The following TAFA2 variants were observed in gnomAD, a reference collection of about 807,000 sequenced individuals.
TAFA2 encodes the protein chemokine-like protein TAFA-2.
In TAFA2, 7 loss-of-function variants were observed where a neutral mutation model predicts 18.8. The observed-to-expected ratio is 0.37, with a 90% CI of 0.21 to 0.70. The LOEUF is 0.70. Ranked by LOEUF, TAFA2 falls within the 30% of genes least tolerant of loss-of-function variation. The pLI is 0.53. For missense variants in TAFA2, 122 were observed against 158.1 expected (o/e 0.77, Z 1.23); for synonymous variants, 60 against 54.2 (o/e 1.11, Z -0.47).
At chr12:61,859,352 A>T (rs1446288605) in intron 2 of TAFA2, among the ~76,000 whole-genome samples, 1 of 152,190 alleles carries the variant, frequency 6.6e-6, no homozygotes, top group African/African-American at 2.4e-5. Flanking sequence ...CACCATTGAC[A>T]CGTGGGGATT....
intron 1 of TAFA2, among the ~76,000 whole-genome samples, chr12:62,202,003 C>A (rs2062672829): frequency 6.6e-6 from 1 of 152,126 alleles, no homozygotes; most frequent in Non-Finnish European, 1.5e-5. Flanking sequence ...TTTATTTCTT[C>A]CAGATTTTCT....
chr12:62,202,874 C>A (rs1000685341), intron 1 of TAFA2, among the ~76,000 whole-genome samples: 2 of 126,128 alleles, frequency 1.6e-5, no homozygotes, highest in Non-Finnish European at 1.6e-5. Flanking sequence ...GTCACCCAGG[C>A]TAGAGTGCAG....
chr12:62,072,130 G>A (rs1882646639), intron 1 of TAFA2, among the ~76,000 whole-genome samples: 1 of 152,052 alleles, frequency 6.6e-6, no homozygotes, highest in Admixed American at 6.6e-5. Flanking sequence ...GCATGAGGAC[G>A]AACATCCTTG....
chr12:61,868,452 T>G (rs1037314751), intron 1 of TAFA2, among the ~76,000 whole-genome samples: 9 of 152,196 alleles, frequency 5.9e-5, no homozygotes, highest in African/African-American at 2.2e-4. Flanking sequence ...GATCCTATAC[T>G]GAACTCCACT....
rs143320107 is a variant in TAFA2, at chr12:61,966,744, A to C, written c.-1-99318T>G. 2.9e-3 allele frequency among the ~76,000 whole-genome samples: 445 copies of C among 152,038 alleles called. 4 individuals carry two copies. Among genetic ancestry groups the C allele is most frequent in the African/African-American group, 9.8e-3 (409 of 41,534 alleles). On this transcript the variant is annotated intron_variant, in intron 1 of 4. Transcript: ENST00000416284. ...AAAGCAGATGTGCATTACATGATGT[A>C]ATTCCATCTCAAGGAGATTGAGTGT... is the stretch of plus-strand genomic sequence containing the variant.
intron 1 of TAFA2, among the ~76,000 whole-genome samples, chr12:61,973,985 A>G (rs1213701276): frequency 1.3e-5 from 2 of 151,762 alleles, no homozygotes; most frequent in Non-Finnish European, 2.9e-5. Context: ...ATTCTTATTA[A>G]AACTCTCCAA....
intron 2 of TAFA2, among the ~76,000 whole-genome samples, chr12:61,798,740 T>C (rs1301651864): frequency 6.6e-6 from 1 of 152,202 alleles, no homozygotes; most frequent in African/African-American, 2.4e-5. Context: ...AGGACAACTA[T>C]CAAAATGCAA....
chr12:62,141,680 A>C (rs1399298379), intron 1 of TAFA2, among the ~76,000 whole-genome samples: 1 of 152,190 alleles, frequency 6.6e-6, no homozygotes, highest in Non-Finnish European at 1.5e-5. Context: ...AAACTTTCCT[A>C]AACTGTAAAC....
chr12:62,057,421 T>G (rs375543691), intron 1 of TAFA2, among the ~76,000 whole-genome samples: 1 of 152,272 alleles, frequency 6.6e-6, no homozygotes. Context: ...ATTTTGGTGA[T>G]CCATCTCCTA....
chr12:61,813,057 TATC>T (rs932721539), intron 2 of TAFA2, among the ~76,000 whole-genome samples: 5 of 151,604 alleles, frequency 3.3e-5, no homozygotes, highest in Non-Finnish European at 4.4e-5. Context: ...GTTTAAACTC[TATC>T]ATCATCATGA....
chr12:62,234,533 T>C (rs1019251603), intron 1 of TAFA2: 2 of 896,136 alleles, frequency 2.2e-6, no homozygotes, highest in African/African-American at 1.6e-5. Context: ...GGTCAATGTC[T>C]GGTGTGTACC....
At chr12:62,071,789 C>T (rs993005833) in intron 1 of TAFA2, among the ~76,000 whole-genome samples, 2 of 152,124 alleles carry the variant, frequency 1.3e-5, no homozygotes, top group African/African-American at 4.8e-5. Context: ...CTTCTAGATA[C>T]TTGGCTTGAA....
intron 4 of TAFA2, among the ~76,000 whole-genome samples, chr12:61,739,124 A>G (rs1295648069): frequency 3.3e-5 from 5 of 152,058 alleles, no homozygotes; most frequent in Non-Finnish European, 7.4e-5. Context: ...CAGATGTGGA[A>G]ACTGAGGAGT....
chr12:62,166,817 A>T (rs1322628795), intron 1 of TAFA2, among the ~76,000 whole-genome samples: 2 of 152,170 alleles, frequency 1.3e-5, no homozygotes, highest in East Asian at 3.9e-4. Flanking sequence ...ATAAAATTCC[A>T]ATCGTGACAC....
At chr12:62,063,984 T>C (rs1402266652) in intron 1 of TAFA2, among the ~76,000 whole-genome samples, 1 of 152,070 alleles carries the variant, frequency 6.6e-6, no homozygotes, top group African/African-American at 2.4e-5. Context: ...TATTTGTTGT[T>C]CACTTACATT....
At chr12:62,091,733 T>C (rs752586822) in intron 1 of TAFA2, among the ~76,000 whole-genome samples, 1 of 151,960 alleles carries the variant, frequency 6.6e-6, no homozygotes, top group Admixed American at 6.6e-5. Context: ...AGACCCACGA[T>C]AGTCATTCAG....
intron 1 of TAFA2, among the ~76,000 whole-genome samples, chr12:61,952,532 G>C (rs138174830): frequency 6.6e-6 from 1 of 151,828 alleles, no homozygotes; most frequent in East Asian, 1.9e-4. Context: ...TCAGATCAAC[G>C]CGATAAACTT....
chr12:61,849,758 G>C (rs953932137), intron 2 of TAFA2, among the ~76,000 whole-genome samples: 4 of 152,134 alleles, frequency 2.6e-5, no homozygotes, highest in African/African-American at 9.7e-5. Flanking sequence ...ACTTTAGACG[G>C]TCTCACCTTT....
chr12:62,062,164 A>ACT (rs1882367019), intron 1 of TAFA2, among the ~76,000 whole-genome samples: 1 of 151,632 alleles, frequency 6.6e-6, no homozygotes, highest in Admixed American at 6.6e-5. Context: ...ACAGAGCAAG[A>ACT]CTCTCTCAAC....
Sources: gnomAD v4.1 joint callset for allele counts (sites outside exome capture counted in the v4.1 genomes callset) on GRCh38, gnomAD v4.1.1 for gene constraint, MANE v1.5 for transcripts, NCBI Gene and HGNC (gene_info 2026-07-23, HGNC 2026-07-21) for gene names.